The following SNCAIP variants were observed in gnomAD, a reference collection of about 807,000 sequenced individuals.
SNCAIP encodes the protein synuclein alpha interacting protein.
In SNCAIP, 43 loss-of-function variants were observed where a neutral mutation model predicts 86.7. The ratio of observed to expected loss-of-function variants is 0.50; its 90% CI spans 0.39 to 0.64. The LOEUF (loss-of-function observed/expected upper bound fraction) is 0.64. Ranked by LOEUF, SNCAIP falls within the 30% of genes least tolerant of loss-of-function variation. The pLI is 0.00. For synonymous variants in SNCAIP, 417 were observed against 427.2 expected, an observed-to-expected ratio of 0.98 and a Z score of 0.29; for missense variants, 981 against 1,103.1, an observed-to-expected ratio of 0.89 and a Z score of 1.57.
At chr5:122,350,442 A>G (rs1759521941) in intron 1 of SNCAIP, among the ~76,000 whole-genome samples, 1 of 151,892 alleles carries the variant, frequency 6.6e-6, no homozygotes, top group African/African-American at 2.4e-5. Flanking sequence ...AATAGATATT[A>G]TAGTTCAGAT....
intron 8 of SNCAIP, 40 bp downstream of exon 8, chr5:122,444,772 C>T: frequency 6.4e-7 from 1 of 1,552,568 alleles, no homozygotes; most frequent in Non-Finnish European, 8.9e-7. Context: ...AAGTCTAACT[C>T]ATTATTGTTG....
chr5:122,435,497 C>G (rs1779231255), intron 6 of SNCAIP, among the ~76,000 whole-genome samples: 1 of 152,206 alleles, frequency 6.6e-6, no homozygotes, highest in Non-Finnish European at 1.5e-5. Context: ...CTTTCAACAT[C>G]AAACCTGTGA....
rs541191012 is a variant in SNCAIP at position 122,351,536 on chromosome 5, CAAAAAAAAAAA to C, written c.-47+39272_-47+39282del. ...TGGGCAACAGAGTGAGACTCTGTAT[CAAAAAAAAAAA>C]AAAAAAAAAAAAAAAAAAAGAACTA... On this transcript the variant is annotated intron_variant, in intron 1 of 10. Coordinates refer to ENST00000261368, the MANE Select transcript of SNCAIP (RefSeq NM_005460.4). Among the ~76,000 whole-genome samples the C allele has an allele frequency of 5.6e-3, 206 of 36,522 alleles. 2 individuals are homozygous for C. Among genetic ancestry groups the C allele is most frequent in the East Asian group, 0.017 (17 of 982 alleles). The allele number at this position is 36,522 out of a possible 152,430, so 24.0% of individuals were successfully genotyped here.
intron 1 of SNCAIP, among the ~76,000 whole-genome samples, chr5:122,387,190 G>A (rs552869337): frequency 3.3e-5 from 5 of 152,178 alleles, no homozygotes; most frequent in East Asian, 1.9e-4. Context: ...ACGGAGTCTC[G>A]TTCTGTCACC....
rs571709174 is a variant in SNCAIP at position 122,426,352 on chromosome 5, A to T, written c.1182+821A>T. 5.9e-5 allele frequency among the ~76,000 whole-genome samples: 9 copies of T among 152,276 alleles called. No individual in the cohort carries two copies. The South Asian group carries it at 1.7e-3, about 28-fold the overall frequency. ...AGCTGAATAATCATAATTTTTATAAATTTAATTATATTGAAATTGGTGAGG... is the reference window on the plus strand; with the variant it reads ...AGCTGAATAATCATAATTTTTATAATTTTAATTATATTGAAATTGGTGAGG... On this transcript the variant is annotated intron_variant, in intron 5 of 10. Transcript: ENST00000261368.
chr5:122,444,779 G>A, intron 8 of SNCAIP, 47 bp downstream of exon 8: 2 of 1,497,256 alleles, frequency 1.3e-6, no homozygotes, highest in Non-Finnish European at 1.9e-6. Flanking sequence ...ACTCATTATT[G>A]TTGTACTTAG....
chr5:122,450,536 A>T lies in SNCAIP; in HGVS notation c.1689A>T (p.Ser563=). ...ATGTCCTTCATCTTCTTTTTAGTTC[A>T]CCATCCTCACCTGCCTCCAGAAAGT... The part of the protein sequence containing the change: ...EGKSLPSSPS[S]PSSPASRKSQ... The change falls in exon 10 of 11, where the codon TCA becomes TCT. Residue 563 remains serine (S), a synonymous_variant. Transcript: ENST00000261368. 3 of 1,611,854 alleles carry T rather than the reference A, an allele frequency of 1.9e-6. No individual in the cohort carries two copies. Among genetic ancestry groups the T allele is most frequent in the Non-Finnish European group, 2.5e-6 (3 of 1,178,036 alleles).
chr5:122,459,972 T>C (rs1015650502), intron 10 of SNCAIP, among the ~76,000 whole-genome samples: 18 of 152,140 alleles, frequency 1.2e-4, no homozygotes, highest in African/African-American at 4.3e-4. Context: ...TCAAATAGTA[T>C]CCCTGTTATC....
chr5:122,462,185 G>T (rs1786521313), intron 10 of SNCAIP, among the ~76,000 whole-genome samples: 1 of 152,102 alleles, frequency 6.6e-6, no homozygotes, highest in African/African-American at 2.4e-5. Context: ...AGTACACGGT[G>T]CTTCTAATTC....
At chr5:122,383,609 G>A (rs1408257289) in intron 1 of SNCAIP, 1 of 152,188 alleles carries the variant, frequency 6.6e-6, no homozygotes, top group African/African-American at 2.4e-5. Flanking sequence ...ATCTGCCCTA[G>A]ACTTAAAAAC....
chr5:122,322,886 T>A (rs1753259668), intron 1 of SNCAIP, among the ~76,000 whole-genome samples: 1 of 152,210 alleles, frequency 6.6e-6, no homozygotes, highest in Middle Eastern at 3.2e-3. Flanking sequence ...AATGCTGCTT[T>A]CATTTGGGAT....
intron 1 of SNCAIP, among the ~76,000 whole-genome samples, chr5:122,339,029 G>A (rs1301481729): frequency 4.6e-5 from 7 of 152,174 alleles, no homozygotes. Context: ...ACAAAGGCAG[G>A]AAGGAGGGGC....
At chr5:122,378,920 C>A (rs1360010971) in intron 1 of SNCAIP, among the ~76,000 whole-genome samples, 1 of 143,934 alleles carries the variant, frequency 6.9e-6, no homozygotes, top group Non-Finnish European at 1.5e-5. Flanking sequence ...GGTACCAGTA[C>A]CATGCTGTTT....
At chr5:122,353,399 T>C (rs558939576) in intron 1 of SNCAIP, among the ~76,000 whole-genome samples, 1 of 145,762 alleles carries the variant, frequency 6.9e-6, no homozygotes, top group South Asian at 2.2e-4. Context: ...TATATATTTT[T>C]CAGAAAAAGC....
chr5:122,400,927 T>C (rs951551656), intron 2 of SNCAIP: 5 of 1,456,368 alleles, frequency 3.4e-6, no homozygotes, highest in Middle Eastern at 1.8e-4. Context: ...ATTATAGAGA[T>C]AGAAAATGTA....
At chr5:122,314,870 C>A (rs756428726) in intron 1 of SNCAIP, among the ~76,000 whole-genome samples, 128 of 152,164 alleles carry the variant, frequency 8.4e-4, no homozygotes, top group Non-Finnish European at 1.5e-3. Flanking sequence ...TTACTTTGTG[C>A]TTATTTGTAA....
intron 1 of SNCAIP, among the ~76,000 whole-genome samples, chr5:122,355,414 C>T (rs1316977916): frequency 6.6e-6 from 1 of 152,036 alleles, no homozygotes; most frequent in African/African-American, 2.4e-5. Context: ...AATGTTGGTA[C>T]ATAATGAACC....
At chr5:122,453,483 G>T (rs1462551547) in intron 10 of SNCAIP, among the ~76,000 whole-genome samples, 3 of 152,168 alleles carry the variant, frequency 2.0e-5, no homozygotes, top group Non-Finnish European at 4.4e-5. Context: ...ATTTCTCTGT[G>T]TTAGCATTAT....
chr5:122,391,289 TG>T, intron 2 of SNCAIP, 98 bp downstream of exon 2: 1 of 898,370 alleles, frequency 1.1e-6, no homozygotes, highest in Non-Finnish European at 1.9e-6. Context: ...TCAACTTTTC[TG>T]ACTACATTTA....
Sources: allele counts gnomAD v4.1 joint callset (sites outside exome capture counted in the v4.1 genomes callset), GRCh38; gene constraint gnomAD v4.1.1; transcripts MANE v1.5; gene names NCBI Gene and HGNC (gene_info 2026-07-23, HGNC 2026-07-21).